Variants in SRRM4 observed in about 807,000 individuals in gnomAD.
SRRM4 encodes serine/arginine repetitive matrix protein 4.
In SRRM4, 33 loss-of-function variants were observed where a neutral mutation model predicts 68.9. The observed-to-expected ratio is 0.48, with a 90% CI of 0.36 to 0.64. The LOEUF is 0.64. SRRM4 is among the 30% of genes least tolerant of loss of function. The probability of loss-of-function intolerance (pLI) is 0.00; values close to 1 mark genes in which losing one functional copy is unlikely to be tolerated. For missense variants in SRRM4, 817 were observed against 827.1 expected (o/e 0.99, Z 0.15); for synonymous variants, 318 against 318.8 (o/e 1.00, Z 0.03).
At chr12:119,074,067 C>T (rs1216363755) in intron 1 of SRRM4, among the ~76,000 whole-genome samples, 4 of 148,560 alleles carry the variant, frequency 2.7e-5, no homozygotes, top group African/African-American at 7.5e-5. Flanking sequence ...ATTAATAATG[C>T]TGTTGCCAAT....
chr12:119,156,718 A>AGGAGCC lies in SRRM4; in HGVS notation c.1774_1779dup (p.Arg594_Ser595dup), dbSNP rs757402326. On this transcript the variant is annotated inframe_insertion, in exon 13 of 13. Coordinates refer to ENST00000267260, the MANE Select transcript of SRRM4 (RefSeq NM_194286.4). ...GGGCTCCCGCAGCCGGAGCCGGAGCAGGAGCCGGAGCCGGAGCCGGAGCAG... is the reference window on the plus strand; with the variant it reads ...GGGCTCCCGCAGCCGGAGCCGGAGCAGGAGCCGGAGCCGGAGCCGGAGCCGGAGCAG... The AGGAGCC allele has an allele frequency of 2.3e-4, 356 of 1,545,042 alleles. 1 individual carries two copies. Among genetic ancestry groups the AGGAGCC allele is most frequent in the South Asian group, 3.0e-4 (25 of 83,874 alleles).
At chr12:119,102,144 T>A in intron 1 of SRRM4, 92 bp from the exon 2 acceptor site, 1 of 1,299,692 alleles carries the variant, frequency 7.7e-7, no homozygotes, top group Non-Finnish European at 1.1e-6. Flanking sequence ...TAAGGGAAGC[T>A]GGGAAATACT....
intron 1 of SRRM4, among the ~76,000 whole-genome samples, chr12:119,009,083 A>C (rs997809637): frequency 6.6e-6 from 1 of 151,252 alleles, no homozygotes; most frequent in African/African-American, 2.4e-5. Context: ...ACATACACAC[A>C]CTCGCTCGCA....
In SRRM4 at chr12:119,025,202, C is replaced by T. The variant is rs188019401; in HGVS notation, c.131+43189C>T. ...AGAACATTTACATTGAGATGTTAGC[C>T]AAACATGGAGTGTAGGGGGCAATGG... On this transcript the variant is annotated intron_variant, in intron 1 of 12. Coordinates refer to ENST00000267260, the MANE Select transcript of SRRM4 (RefSeq NM_194286.4). Among the ~76,000 whole-genome samples, 5 of 151,920 alleles carry T rather than the reference C, an allele frequency of 3.3e-5. No homozygotes were observed. The East Asian group carries it at 9.7e-4, about 30-fold the overall frequency.
At chr12:119,114,441 G>T in intron 3 of SRRM4, 77 bp downstream of exon 3, 3 of 1,218,790 alleles carry the variant, frequency 2.5e-6, no homozygotes, top group Non-Finnish European at 2.3e-6. Context: ...TCAGACAGTG[G>T]CTCCCTCTTG....
At chr12:119,014,483 A>T (rs1451225134) in intron 1 of SRRM4, among the ~76,000 whole-genome samples, 1 of 152,056 alleles carries the variant, frequency 6.6e-6, no homozygotes, top group African/African-American at 2.4e-5. Context: ...CTCCTGCTGG[A>T]CCTGGGTTCA....
intron 9 of SRRM4, among the ~76,000 whole-genome samples, chr12:119,149,255 G>A (rs1314082556): frequency 4.6e-5 from 7 of 152,166 alleles, no homozygotes; most frequent in African/African-American, 1.7e-4. Flanking sequence ...GGCTGAGGCA[G>A]GAGAATCGCT....
intron 8 of SRRM4, among the ~76,000 whole-genome samples, chr12:119,131,317 T>G (rs866297358): frequency 6.6e-6 from 1 of 152,202 alleles, no homozygotes; most frequent in South Asian, 2.1e-4. Flanking sequence ...TGAATTTATA[T>G]GAGAATTTTC....
intron 1 of SRRM4, among the ~76,000 whole-genome samples, chr12:119,051,581 T>C (rs907842384): frequency 6.6e-6 from 1 of 152,184 alleles, no homozygotes; most frequent in Non-Finnish European, 1.5e-5. Context: ...TTTCTCAAAG[T>C]ACCCACTAGA....
intron 1 of SRRM4, among the ~76,000 whole-genome samples, chr12:119,059,056 C>T (rs1953794689): frequency 6.6e-6 from 1 of 152,178 alleles, no homozygotes; most frequent in Non-Finnish European, 1.5e-5. Flanking sequence ...CTGTGCCCAG[C>T]AAGCTCAAGA....
intron 1 of SRRM4, among the ~76,000 whole-genome samples, chr12:118,984,341 C>T (rs1412223588): frequency 2.0e-5 from 3 of 152,158 alleles, no homozygotes. Flanking sequence ...GGCATTGGCA[C>T]AATATCAGCT....
chr12:119,148,699 C>A (rs1377933377), intron 9 of SRRM4, among the ~76,000 whole-genome samples: 1 of 152,170 alleles, frequency 6.6e-6, no homozygotes, highest in Non-Finnish European at 1.5e-5. Flanking sequence ...ACAAATATGT[C>A]CCCCAAACAG....
chr12:119,015,546 A>C, intron 1 of SRRM4, among the ~76,000 whole-genome samples: 1 of 151,884 alleles, frequency 6.6e-6, no homozygotes, highest in Non-Finnish European at 1.5e-5. Flanking sequence ...ACCCTTCTAC[A>C]TGCTCTTGCC....
At chr12:118,982,682 T>TTTTG (rs1555212620) in intron 1 of SRRM4, among the ~76,000 whole-genome samples, 1 of 134,204 alleles carries the variant, frequency 7.5e-6, no homozygotes, top group African/African-American at 2.8e-5. Flanking sequence ...TTTTTTTGTT[T>TTTTG]TTTTTTTTTT....
chr12:119,102,254 C>A lies in SRRM4; in HGVS notation c.150C>A (p.Asn50Lys), dbSNP rs1041875933. 2 of 1,613,398 alleles carry A rather than the reference C, an allele frequency of 1.2e-6. No homozygotes were observed. The highest frequency in any genetic ancestry group is 1.3e-5 in the African/African-American group (1 of 75,018). ...KPLPRTEPQNNPVVPAQDGPS... is the reference protein window; with the variant it reads ...KPLPRTEPQNKPVVPAQDGPS... ...TCTGTAGGACAGAGCCCCAGAATAACCCCGTTGTCCCAGCTCAGGATGGAC... is the reference window on the plus strand; with the variant it reads ...TCTGTAGGACAGAGCCCCAGAATAAACCCGTTGTCCCAGCTCAGGATGGAC... The change falls in exon 2 of 13, where the codon AAC becomes AAA. Residue 50 changes from asparagine to lysine, a missense_variant. Coordinates refer to ENST00000267260, the MANE Select transcript of SRRM4 (RefSeq NM_194286.4).
At chr12:119,114,009 T>C (rs1010461943) in intron 2 of SRRM4, 2 of 261,302 alleles carry the variant, frequency 7.7e-6, no homozygotes, top group Non-Finnish European at 1.5e-5. Flanking sequence ...AATAAATCTA[T>C]TTAGGAGTAG....
chr12:119,068,070 G>A (rs905354740), intron 1 of SRRM4, among the ~76,000 whole-genome samples: 1 of 152,224 alleles, frequency 6.6e-6, no homozygotes, highest in African/African-American at 2.4e-5. Flanking sequence ...CAGAGCCCAG[G>A]ACCGTGGCAG....
chr12:119,104,416 A>AATG (rs1288535357), intron 2 of SRRM4, among the ~76,000 whole-genome samples: 2 of 151,056 alleles, frequency 1.3e-5, no homozygotes, highest in African/African-American at 4.8e-5. Flanking sequence ...AAACCACAAT[A>AATG]ATGATGATAA....
At chr12:119,125,313 A>T in intron 6 of SRRM4, 68 bp from the exon 7 acceptor site, 75 of 1,361,108 alleles carry the variant, frequency 5.5e-5, no homozygotes, top group Non-Finnish European at 7.2e-5. Context: ...ACAAGATCAA[A>T]TCTCTCACTC....
Sources: allele counts gnomAD v4.1 joint callset (sites outside exome capture counted in the v4.1 genomes callset), GRCh38; gene constraint gnomAD v4.1.1; transcripts MANE v1.5; gene names NCBI Gene and HGNC (gene_info 2026-07-23, HGNC 2026-07-21).